The following EPHA5 variants were observed in gnomAD, a reference collection of about 807,000 sequenced individuals.
EPHA5 encodes the protein ephrin type-A receptor 5.
Under a neutral mutation model 105.0 loss-of-function variants are expected in EPHA5, and 60 were observed. The ratio of observed to expected loss-of-function variants is 0.57; its 90% confidence interval spans 0.46 to 0.71. The LOEUF is 0.71. EPHA5 is among the 30% of genes least tolerant of loss of function. The probability of loss-of-function intolerance (pLI) is 0.00; values close to 1 mark genes in which losing one functional copy is unlikely to be tolerated. For missense variants in EPHA5, 1,218 were observed against 1,274.7 expected (o/e 0.96, Z 0.68); for synonymous variants, 513 against 449.1 (o/e 1.14, Z -1.80).
chr4:65,532,173 T>A (rs1364267386), intron 3 of EPHA5, among the ~76,000 whole-genome samples: 2 of 152,096 alleles, frequency 1.3e-5, no homozygotes, highest in African/African-American at 4.8e-5. Context: ...ATAAATTAAA[T>A]CTCATTTTTG....
chr4:65,555,870 C>CT (rs961709049), intron 3 of EPHA5, among the ~76,000 whole-genome samples: 3 of 152,130 alleles, frequency 2.0e-5, no homozygotes, highest in Non-Finnish European at 2.9e-5. Context: ...TTTAGAAGCT[C>CT]TTTTTTTATT....
chr4:65,430,702 C>T (rs1724890098), intron 5 of EPHA5, among the ~76,000 whole-genome samples: 1 of 151,990 alleles, frequency 6.6e-6, no homozygotes, highest in Non-Finnish European at 1.5e-5. Context: ...AGCAGTCTTT[C>T]TTCAGAGTTT....
intron 1 of EPHA5, among the ~76,000 whole-genome samples, chr4:65,662,818 T>C (rs556783148): frequency 6.6e-6 from 1 of 152,198 alleles, no homozygotes; most frequent in South Asian, 2.1e-4. Context: ...TCCCTCTCCC[T>C]ACCCTTTCTT....
At chr4:65,330,332 G>A (rs1720488227) in intron 16 of EPHA5, among the ~76,000 whole-genome samples, 1 of 149,738 alleles carries the variant, frequency 6.7e-6, no homozygotes, top group Admixed American at 6.7e-5. Context: ...GGAGCAGATA[G>A]GAAAGAAATA....
chr4:65,375,728 T>C (rs1449003795), intron 8 of EPHA5, among the ~76,000 whole-genome samples: 1 of 151,578 alleles, frequency 6.6e-6, no homozygotes, highest in Non-Finnish European at 1.5e-5. Context: ...GACACTAAAG[T>C]AGAATAGACA....
chr4:65,500,886 A>G (rs1204658657), intron 3 of EPHA5, among the ~76,000 whole-genome samples: 1 of 151,108 alleles, frequency 6.6e-6, no homozygotes, highest in Non-Finnish European at 1.5e-5. Flanking sequence ...GGCACAGACT[A>G]TCGTTGTTTG....
chr4:65,349,804 T>C lies in EPHA5; in HGVS notation c.2445+1585A>G, dbSNP rs569947213. Among the ~76,000 whole-genome samples the C allele has an allele frequency of 1.2e-4, 18 of 152,310 alleles. No individual in the cohort carries two copies. In the East Asian group the frequency reaches 1.9e-3, roughly 16 times the overall value. On this transcript the variant is annotated intron_variant, in intron 13 of 16. Transcript: ENST00000613740. ...TTGTATTATGAGTCCTAGCTATGCATAGATATTCTATAATGTCTTATTAAT... is the reference window on the plus strand; with the variant it reads ...TTGTATTATGAGTCCTAGCTATGCACAGATATTCTATAATGTCTTATTAAT...
chr4:65,622,816 A>C (rs1745821955), intron 2 of EPHA5, among the ~76,000 whole-genome samples: 1 of 152,056 alleles, frequency 6.6e-6, no homozygotes. Flanking sequence ...CCTGTCTCTT[A>C]GAAGGGACTT....
chr4:65,332,969 G>A (rs1459875353), intron 15 of EPHA5, among the ~76,000 whole-genome samples: 1 of 151,552 alleles, frequency 6.6e-6, no homozygotes, highest in African/African-American at 2.4e-5. Context: ...CCGAGGAGTG[G>A]TAGATCATGA....
At chr4:65,363,933 T>C (rs993850986) in intron 11 of EPHA5, among the ~76,000 whole-genome samples, 5 of 151,728 alleles carry the variant, frequency 3.3e-5, no homozygotes, top group African/African-American at 9.6e-5. Flanking sequence ...ATCCTCATTA[T>C]AAAATATTTT....
chr4:65,531,825 T>C (rs1735829963), intron 3 of EPHA5, among the ~76,000 whole-genome samples: 1 of 152,212 alleles, frequency 6.6e-6, no homozygotes, highest in Non-Finnish European at 1.5e-5. Flanking sequence ...ACTCTCAGGC[T>C]TCTTTTACAT....
At chr4:65,363,425 C>T (rs138227224) in intron 11 of EPHA5, among the ~76,000 whole-genome samples, 53 of 151,628 alleles carry the variant, frequency 3.5e-4, no homozygotes, top group African/African-American at 1.3e-3. Flanking sequence ...GATGCAGAGT[C>T]CATGTTCTTG....
intron 3 of EPHA5, among the ~76,000 whole-genome samples, chr4:65,574,906 T>C: frequency 6.6e-6 from 1 of 151,374 alleles, no homozygotes; most frequent in Non-Finnish European, 1.5e-5. Context: ...AGTTCAAGGA[T>C]TAGAGCTAGA....
At chr4:65,343,034 TA>T (rs535605603) in intron 14 of EPHA5, among the ~76,000 whole-genome samples, 3 of 152,102 alleles carry the variant, frequency 2.0e-5, no homozygotes, top group Non-Finnish European at 4.4e-5. Context: ...ACAGGCTACT[TA>T]AATTAGTTTT....
At chr4:65,542,972 A>G (rs1434527222) in intron 3 of EPHA5, among the ~76,000 whole-genome samples, 1 of 152,162 alleles carries the variant, frequency 6.6e-6, no homozygotes, top group East Asian at 1.9e-4. Flanking sequence ...TTACAAAACC[A>G]CATGATTATC....
chr4:65,530,572 G>T (rs974178121), intron 3 of EPHA5, among the ~76,000 whole-genome samples: 3 of 152,150 alleles, frequency 2.0e-5, no homozygotes, highest in Middle Eastern at 3.2e-3. Flanking sequence ...TGAATAAATT[G>T]TAGAAATCCA....
At chr4:65,464,558 C>T (rs889235348) in intron 5 of EPHA5, among the ~76,000 whole-genome samples, 1 of 151,966 alleles carries the variant, frequency 6.6e-6, no homozygotes, top group Non-Finnish European at 1.5e-5. Context: ...AAAATAATTA[C>T]TGGTAAGATT....
intron 3 of EPHA5, among the ~76,000 whole-genome samples, chr4:65,546,006 C>G (rs1185191172): frequency 1.3e-5 from 2 of 152,036 alleles, no homozygotes; most frequent in East Asian, 1.9e-4. Flanking sequence ...AGGTCTCCAT[C>G]ACAACTACTC....
At chr4:65,555,853 G>A (rs908536549) in intron 3 of EPHA5, among the ~76,000 whole-genome samples, 3 of 152,034 alleles carry the variant, frequency 2.0e-5, no homozygotes, top group Non-Finnish European at 2.9e-5. Context: ...TTTTCAGCCT[G>A]TATTTATTTA....
Sources: gnomAD v4.1 joint callset for allele counts (sites outside exome capture counted in the v4.1 genomes callset) on GRCh38, gnomAD v4.1.1 for gene constraint, MANE v1.5 for transcripts, NCBI Gene and HGNC (gene_info 2026-07-23, HGNC 2026-07-21) for gene names.